ANP32A: variants seen among roughly 807,000 people sequenced by gnomAD.
The protein encoded by ANP32A is acidic nuclear phosphoprotein 32 family member A, also known as acidic leucine-rich nuclear phosphoprotein 32 family member A.
Under a neutral mutation model 33.9 loss-of-function variants are expected in ANP32A, and 1 was observed. The observed-to-expected ratio is 0.03, with a 90% CI of 0.01 to 0.14. ANP32A has a LOEUF of 0.14. Among genes scored for constraint, ANP32A ranks in the 10% least tolerant of loss-of-function variants. ANP32A has a pLI of 1.00. For missense variants in ANP32A, 155 were observed against 306.0 expected, an observed-to-expected ratio of 0.51 and a Z score of 3.68; for synonymous variants, 115 against 120.5, an observed-to-expected ratio of 0.95 and a Z score of 0.30.
At chr15:68,806,822 G>C (rs1894234478) in intron 1 of ANP32A, among the ~76,000 whole-genome samples, 1 of 152,234 alleles carries the variant, frequency 6.6e-6, no homozygotes. Flanking sequence ...GGCTGTGAAG[G>C]CCAGTTTCTG....
chr15:68,798,933 G>A (rs1487973772), intron 1 of ANP32A, among the ~76,000 whole-genome samples: 1 of 152,188 alleles, frequency 6.6e-6, no homozygotes, highest in Admixed American at 6.5e-5. Context: ...ATGGGAAATC[G>A]CTGATTTGGG....
At chr15:68,782,339 A>G (rs936665766) in intron 5 of ANP32A, among the ~76,000 whole-genome samples, 4 of 152,222 alleles carry the variant, frequency 2.6e-5, no homozygotes, top group Non-Finnish European at 2.9e-5. Flanking sequence ...TGAGAAAGCT[A>G]TCATGATCCC....
intron 1 of ANP32A, among the ~76,000 whole-genome samples, chr15:68,814,590 A>G (rs1596076487): frequency 6.6e-6 from 1 of 152,052 alleles, no homozygotes; most frequent in Non-Finnish European, 1.5e-5. Context: ...TGTTATGGGG[A>G]CTAGGATTTG....
At chr15:68,801,501 CT>C (rs955393837) in intron 1 of ANP32A, among the ~76,000 whole-genome samples, 25 of 152,190 alleles carry the variant, frequency 1.6e-4, no homozygotes, top group African/African-American at 5.8e-4. Flanking sequence ...CCAATCCCAC[CT>C]GTCTCCATGG....
chr15:68,820,712 T>G lies in ANP32A; in HGVS notation c.40A>C (p.Arg14=). 1 of 1,607,722 alleles carries G rather than the reference T, an allele frequency of 6.2e-7. No individual in the cohort carries two copies. Among genetic ancestry groups the G allele is most frequent in the Non-Finnish European group, 8.5e-7 (1 of 1,176,728 alleles). The stretch of plus-strand genomic sequence containing the variant: ...CAAATGCTCACATCAGAGGGCGTCC[T>G]GTTCCGCAGCTCTAAATGAATCCGT... ...GRRIHLELRN[R]TPSDVKELVL... Residue 14 remains arginine (R), a synonymous_variant, in exon 1 of 7, where the codon AGG becomes CGG. Coordinates refer to ENST00000465139, the MANE Select transcript of ANP32A (RefSeq NM_006305.4).
chr15:68,813,318 A>G (rs1027558950), intron 1 of ANP32A, among the ~76,000 whole-genome samples: 18 of 152,328 alleles, frequency 1.2e-4, no homozygotes, highest in African/African-American at 4.1e-4. Flanking sequence ...CTAGTTCTAG[A>G]CAAGGAGGCT....
At chr15:68,793,652 A>G (rs1894026345) in intron 1 of ANP32A, among the ~76,000 whole-genome samples, 1 of 152,244 alleles carries the variant, frequency 6.6e-6, no homozygotes, top group Non-Finnish European at 1.5e-5. Context: ...TCTACCAGAT[A>G]GAACAGGCAT....
chr15:68,805,610 T>C (rs1470903), intron 1 of ANP32A, among the ~76,000 whole-genome samples: 135,268 of 152,194 alleles, frequency 0.89, 62,225 homozygotes, highest in Non-Finnish European at 1. Context: ...CCATGAATCA[T>C]CCCATGAATT....
intron 1 of ANP32A, among the ~76,000 whole-genome samples, chr15:68,811,134 T>C (rs986229074): frequency 6.6e-6 from 1 of 150,422 alleles, no homozygotes; most frequent in African/African-American, 2.5e-5. Flanking sequence ...ATGAAGGCTG[T>C]TGGGATTCTT....
At chr15:68,809,512 A>G (rs1397235521) in intron 1 of ANP32A, among the ~76,000 whole-genome samples, 1 of 152,200 alleles carries the variant, frequency 6.6e-6, no homozygotes, top group Non-Finnish European at 1.5e-5. Flanking sequence ...TATAATGTCC[A>G]TATTTATAGG....
chr15:68,797,625 T>A lies in ANP32A; in HGVS notation c.55-9706A>T, dbSNP rs144806644. ...GGCAAAACCCCTGTGCTTCCTCCCA[T>A]CTCAGCCCTCTGCTAGCCTCCCTGA... On this transcript the variant is annotated intron_variant, in intron 1 of 6. Coordinates refer to ENST00000465139, the MANE Select transcript of ANP32A (RefSeq NM_006305.4). Among the ~76,000 whole-genome samples the A allele has an allele frequency of 2.7e-3, 409 of 152,280 alleles. 4 individuals are homozygous for A. Among genetic ancestry groups the A allele is most frequent in the African/African-American group, 9.5e-3 (395 of 41,554 alleles).
chr15:68,794,442 A>T (rs1894037305), intron 1 of ANP32A, among the ~76,000 whole-genome samples: 1 of 152,190 alleles, frequency 6.6e-6, no homozygotes, highest in Non-Finnish European at 1.5e-5. Context: ...ACATATTTGT[A>T]GCTTTGGTTT....
chr15:68,812,263 TG>T (rs1894323324), intron 1 of ANP32A, among the ~76,000 whole-genome samples: 1 of 152,146 alleles, frequency 6.6e-6, no homozygotes, highest in African/African-American at 2.4e-5. Flanking sequence ...GCAGTCTATG[TG>T]GGGGAAACCA....
At chr15:68,782,042 G>C (rs1179882463) in intron 5 of ANP32A, among the ~76,000 whole-genome samples, 2 of 152,212 alleles carry the variant, frequency 1.3e-5, no homozygotes, top group African/African-American at 4.8e-5. Context: ...AAACTGCGGG[G>C]GGAGTTGGGA....
At chr15:68,805,534 G>C (rs533760374) in intron 1 of ANP32A, among the ~76,000 whole-genome samples, 2 of 152,218 alleles carry the variant, frequency 1.3e-5, no homozygotes, top group Non-Finnish European at 2.9e-5. Flanking sequence ...TGGAGCCCAA[G>C]GCTGGTGTGA....
chr15:68,808,378 T>G (rs1313461131), intron 1 of ANP32A, among the ~76,000 whole-genome samples: 3 of 152,200 alleles, frequency 2.0e-5, no homozygotes. Context: ...CTGCAGTGTA[T>G]GTGCTATGCT....
intron 1 of ANP32A, among the ~76,000 whole-genome samples, chr15:68,807,495 C>A (rs1379109475): frequency 6.7e-6 from 1 of 149,738 alleles, no homozygotes; most frequent in Non-Finnish European, 1.5e-5. Context: ...CAGCTCCAGG[C>A]GAGGCCTCCT....
intron 1 of ANP32A, among the ~76,000 whole-genome samples, chr15:68,809,092 G>A (rs1213878069): frequency 2.0e-4 from 31 of 152,150 alleles, no homozygotes; most frequent in Admixed American, 1.8e-3. Flanking sequence ...GAGAGAACCC[G>A]GGGGTTTACC....
At chr15:68,794,917 G>A (rs1427106825) in intron 1 of ANP32A, among the ~76,000 whole-genome samples, 2 of 152,166 alleles carry the variant, frequency 1.3e-5, no homozygotes, top group Admixed American at 1.3e-4. Context: ...CTTAACACTT[G>A]CAATTACTTT....
Sources: allele counts gnomAD v4.1 joint callset (sites outside exome capture counted in the v4.1 genomes callset), GRCh38; gene constraint gnomAD v4.1.1; transcripts MANE v1.5; gene names NCBI Gene and HGNC (gene_info 2026-07-23, HGNC 2026-07-21).